The following SGCG variants were observed in gnomAD, a reference collection of about 807,000 sequenced individuals.
SGCG encodes sarcoglycan gamma.
Under a neutral mutation model 29.3 loss-of-function variants are expected in SGCG, and 26 were observed. The observed-to-expected ratio is 0.89, with a 90% confidence interval of 0.65 to 1.23. The LOEUF is 1.23. SGCG is among the 50% of genes most tolerant of loss of function. The pLI is 0.00. For synonymous variants in SGCG, 145 were observed against 129.7 expected (o/e 1.12, Z -0.80); for missense variants, 353 against 356.0 (o/e 0.99, Z 0.07).
At chr13:23,295,374 A>G (rs1881862032) in intron 5 of SGCG, 41 bp from the exon 6 acceptor site, 1 of 1,424,902 alleles carries the variant, frequency 7.0e-7, no homozygotes, top group Admixed American at 1.7e-5. Context: ...GGTGTCACTT[A>G]TTTTACTTCT....
chr13:23,248,245 C>A (rs1439508962), intron 3 of SGCG, among the ~76,000 whole-genome samples: 1 of 152,130 alleles, frequency 6.6e-6, no homozygotes, highest in Non-Finnish European at 1.5e-5. Flanking sequence ...AACCAACCTA[C>A]TCCTCTCTCC....
intron 2 of SGCG, among the ~76,000 whole-genome samples, chr13:23,231,859 C>T (rs765824824): frequency 5.3e-5 from 8 of 152,098 alleles, no homozygotes; most frequent in Non-Finnish European, 7.4e-5. Flanking sequence ...TGGCTCACAC[C>T]TGTAATCCCA....
chr13:23,253,081 A>G (rs1390288302), intron 4 of SGCG, among the ~76,000 whole-genome samples: 1 of 151,520 alleles, frequency 6.6e-6, no homozygotes, highest in African/African-American at 2.4e-5. Context: ...TGTTTTGTTT[A>G]GTTTTTCTTT....
intron 4 of SGCG, among the ~76,000 whole-genome samples, chr13:23,259,092 T>G (rs1227933159): frequency 6.6e-6 from 1 of 152,202 alleles, no homozygotes; most frequent in African/African-American, 2.4e-5. Flanking sequence ...CTTTATCTAT[T>G]GATTGGAATA....
chr13:23,165,681 C>A, the SGCG span, among the ~76,000 whole-genome samples: 1 of 151,232 alleles, frequency 6.6e-6, no homozygotes, highest in East Asian at 2.0e-4. Flanking sequence ...CTTGCCACCA[C>A]GCCCAGCTAA....
At chr13:23,246,293 A>T (rs1879706907) in intron 3 of SGCG, 1 of 152,256 alleles carries the variant, frequency 6.6e-6, no homozygotes, top group South Asian at 2.1e-4. Flanking sequence ...GTGTATCAAG[A>T]GGAGACATTA....
chr13:23,218,005 G>A (rs573419298), intron 2 of SGCG, among the ~76,000 whole-genome samples: 1 of 152,022 alleles, frequency 6.6e-6, no homozygotes, highest in Non-Finnish European at 1.5e-5. Flanking sequence ...AACAAGAAAA[G>A]TATGTCTGAT....
the SGCG span, among the ~76,000 whole-genome samples, chr13:23,160,585 C>T: frequency 1.3e-5 from 2 of 152,116 alleles, no homozygotes; most frequent in South Asian, 2.1e-4. Context: ...GGTGTCATCC[C>T]GTCGGGAATG....
At chr13:23,288,219 A>G (rs1881573990) in intron 5 of SGCG, among the ~76,000 whole-genome samples, 1 of 152,186 alleles carries the variant, frequency 6.6e-6, no homozygotes, top group Non-Finnish European at 1.5e-5. Context: ...AGCCAAGGAA[A>G]GAGAAGTGAT....
chr13:23,321,074 T>A (rs1336143674), intron 7 of SGCG, among the ~76,000 whole-genome samples: 2 of 151,872 alleles, frequency 1.3e-5, no homozygotes, highest in Non-Finnish European at 2.9e-5. Flanking sequence ...TTACAGAGAA[T>A]GTCCATTTTG....
chr13:23,234,447 T>C (rs1462363110), intron 2 of SGCG, among the ~76,000 whole-genome samples, 164 bp from the exon 3 acceptor site: 1 of 150,684 alleles, frequency 6.6e-6, no homozygotes, highest in African/African-American at 2.4e-5. Context: ...TTTAATGACA[T>C]TGAATATTCA....
chr13:23,189,342 A>G (rs1565992716), intron 1 of SGCG, among the ~76,000 whole-genome samples: 2 of 151,938 alleles, frequency 1.3e-5, no homozygotes, highest in South Asian at 2.1e-4. Flanking sequence ...ACGCCTGGCT[A>G]TTTTTTGTAT....
At chr13:23,229,304 G>T (rs1879019863) in intron 2 of SGCG, among the ~76,000 whole-genome samples, 1 of 152,266 alleles carries the variant, frequency 6.6e-6, no homozygotes, top group African/African-American at 2.4e-5. Flanking sequence ...TATTCTTTGG[G>T]TATATATCCA....
intron 1 of SGCG, among the ~76,000 whole-genome samples, chr13:23,181,316 C>T (rs1216457447): frequency 6.6e-6 from 1 of 152,088 alleles, no homozygotes; most frequent in East Asian, 1.9e-4. Flanking sequence ...TCCTATATTT[C>T]TAACATTTTT....
chr13:23,302,947 T>C (rs517518), intron 6 of SGCG, among the ~76,000 whole-genome samples: 109,829 of 152,046 alleles, frequency 0.72, 41,574 homozygotes, highest in East Asian at 0.89. Flanking sequence ...TCCCTAAATA[T>C]ACACCATTAA....
intron 7 of SGCG, among the ~76,000 whole-genome samples, chr13:23,323,368 C>G (rs1032154857): frequency 1.3e-5 from 2 of 152,246 alleles, no homozygotes; most frequent in African/African-American, 4.8e-5. Context: ...GTGATCAAGC[C>G]TCACCTGGCA....
chr13:23,228,899 C>A (rs1879001986), intron 2 of SGCG, among the ~76,000 whole-genome samples: 1 of 152,152 alleles, frequency 6.6e-6, no homozygotes, highest in African/African-American at 2.4e-5. Flanking sequence ...GAGACAGGGT[C>A]CTGCCCTGTC....
chr13:23,319,347 T>C (rs1175013754), intron 6 of SGCG, among the ~76,000 whole-genome samples: 1 of 150,714 alleles, frequency 6.6e-6, no homozygotes, highest in Admixed American at 6.6e-5. Context: ...AGCCAGACCA[T>C]GCACATGGAG....
At chr13:23,235,148 C>G (rs560053541) in intron 3 of SGCG, among the ~76,000 whole-genome samples, 10 of 152,150 alleles carry the variant, frequency 6.6e-5, no homozygotes, top group Non-Finnish European at 1.2e-4. Flanking sequence ...GTGGGCGGAT[C>G]ACCTGAGGTG....
Sources: gnomAD v4.1 joint callset for allele counts (sites outside exome capture counted in the v4.1 genomes callset) on GRCh38, gnomAD v4.1.1 for gene constraint, MANE v1.5 for transcripts, NCBI Gene and HGNC (gene_info 2026-07-23, HGNC 2026-07-21) for gene names.